The following FBXO4 variants were observed in gnomAD, a reference collection of about 807,000 sequenced individuals.
FBXO4 encodes F-box only protein 4.
Under a neutral mutation model 43.7 loss-of-function variants are expected in FBXO4, and 36 were observed. The observed-to-expected ratio is 0.82, with a 90% confidence interval of 0.63 to 1.09. The LOEUF is 1.09. Among genes scored for constraint, FBXO4 ranks in the 50% least tolerant of loss-of-function variants. The pLI, the probability that FBXO4 is intolerant of heterozygous loss-of-function variation, is 0.00. For synonymous variants in FBXO4, 180 were observed against 165.6 expected (o/e 1.09, Z -0.67); for missense variants, 435 against 474.1 (o/e 0.92, Z 0.77).
At chr5:41,929,360 C>T (rs193037034) in intron 2 of FBXO4, among the ~76,000 whole-genome samples, 1 of 152,278 alleles carries the variant, frequency 6.6e-6, no homozygotes, top group African/African-American at 2.4e-5. Context: ...AGGGATAAAC[C>T]TCCTAGGGTT....
At chr5:41,982,774 T>C in the FBXO4 span, among the ~76,000 whole-genome samples, 1 of 152,254 alleles carries the variant, frequency 6.6e-6, no homozygotes, top group Admixed American at 6.5e-5. Flanking sequence ...ATGCACTGTT[T>C]TGTTACATAG....
downstream of FBXO4, among the ~76,000 whole-genome samples, chr5:41,946,259 G>A (rs1181603233): frequency 2.0e-5 from 3 of 152,144 alleles, no homozygotes; most frequent in Admixed American, 6.6e-5. Flanking sequence ...CAGGCTGCTG[G>A]CCAGATCCCG....
chr5:42,027,235 G>T, the FBXO4 span, among the ~76,000 whole-genome samples: 2 of 151,898 alleles, frequency 1.3e-5, no homozygotes, highest in African/African-American at 4.8e-5. Flanking sequence ...ACTTGTTATT[G>T]CTCTGTTCAG....
At chr5:41,965,314 G>T in the FBXO4 span, among the ~76,000 whole-genome samples, 2 of 152,154 alleles carry the variant, frequency 1.3e-5, no homozygotes, top group African/African-American at 4.8e-5. Flanking sequence ...AAGTCAGGTA[G>T]CATGATGCCT....
At chr5:41,955,156 C>T in the FBXO4 span, among the ~76,000 whole-genome samples, 1 of 152,142 alleles carries the variant, frequency 6.6e-6, no homozygotes, top group Non-Finnish European at 1.5e-5. Context: ...TTTCACACAT[C>T]TCTAAGCTTC....
the FBXO4 span, among the ~76,000 whole-genome samples, chr5:42,010,507 CA>C: frequency 0.14 from 15,119 of 106,238 alleles, 817 homozygotes; most frequent in African/African-American, 0.21. Context: ...GCCTCCATCT[CA>C]AAAAAAAAAA....
chr5:41,973,571 CT>C, the FBXO4 span, among the ~76,000 whole-genome samples: 1 of 152,140 alleles, frequency 6.6e-6, no homozygotes, highest in Non-Finnish European at 1.5e-5. Context: ...GTCCCAGCTA[CT>C]CAGGAGGCTG....
chr5:41,931,540 A>G (rs1054692755), intron 3 of FBXO4, among the ~76,000 whole-genome samples: 11 of 152,252 alleles, frequency 7.2e-5, no homozygotes, highest in African/African-American at 2.2e-4. Context: ...CAAATCTGCT[A>G]GAATGGAAGC....
the FBXO4 span, among the ~76,000 whole-genome samples, chr5:41,997,141 T>C: frequency 1.3e-5 from 2 of 152,218 alleles, no homozygotes; most frequent in South Asian, 4.1e-4. Flanking sequence ...AAAAAGTCAT[T>C]TGCCAAGTTA....
chr5:42,005,430 A>C, the FBXO4 span, among the ~76,000 whole-genome samples: 1 of 152,204 alleles, frequency 6.6e-6, no homozygotes, highest in African/African-American at 2.4e-5. Flanking sequence ...AAAAACATTT[A>C]CAAACCATTT....
chr5:41,944,719 A>T (rs1033233460), downstream of FBXO4, among the ~76,000 whole-genome samples: 2 of 152,214 alleles, frequency 1.3e-5, no homozygotes, highest in African/African-American at 4.8e-5. Context: ...GTGCAGTTTC[A>T]GGATAACCAA....
At chr5:41,939,199 A>C (rs1474483885) in intron 5 of FBXO4, 1 of 345,608 alleles carries the variant, frequency 2.9e-6, no homozygotes, top group Non-Finnish European at 5.2e-6. Context: ...CTACATTTTG[A>C]AAGTAAGCCC....
chr5:41,939,694 T>A, intron 6 of FBXO4, 78 bp downstream of exon 6: 1 of 1,203,920 alleles, frequency 8.3e-7, no homozygotes, highest in Non-Finnish European at 1.1e-6. Flanking sequence ...TTTAAATTCA[T>A]CTTCTTTAAT....
chr5:42,031,304 T>A, the FBXO4 span, among the ~76,000 whole-genome samples: 2 of 152,128 alleles, frequency 1.3e-5, no homozygotes, highest in African/African-American at 4.8e-5. Context: ...TCATGTCCTT[T>A]GTAGGGACAT....
chr5:41,962,429 T>G, the FBXO4 span, among the ~76,000 whole-genome samples: 2 of 152,180 alleles, frequency 1.3e-5, no homozygotes, highest in Admixed American at 1.3e-4. Flanking sequence ...TTTGTTCAGG[T>G]TTTTGTGTTG....
chr5:42,027,129 T>C, the FBXO4 span, among the ~76,000 whole-genome samples: 1 of 151,868 alleles, frequency 6.6e-6, no homozygotes, highest in African/African-American at 2.4e-5. Context: ...TTGGTATTAG[T>C]TATTCTTAAA....
the FBXO4 span, among the ~76,000 whole-genome samples, chr5:41,947,814 A>T: frequency 6.6e-6 from 1 of 152,196 alleles, no homozygotes; most frequent in Non-Finnish European, 1.5e-5. Context: ...CAGTGTAATC[A>T]TGGGAGGCTG....
the FBXO4 span, among the ~76,000 whole-genome samples, chr5:42,032,314 C>T: frequency 3.9e-5 from 6 of 152,156 alleles, no homozygotes; most frequent in African/African-American, 1.2e-4. Flanking sequence ...TCCTCCCCTG[C>T]AGTCTAGGGA....
the FBXO4 span, among the ~76,000 whole-genome samples, chr5:42,018,185 T>G: frequency 1.3e-5 from 2 of 149,576 alleles, no homozygotes; most frequent in African/African-American, 4.9e-5. Context: ...AAAATATATG[T>G]GTAATATTAT....
Sources: gnomAD v4.1 joint callset for allele counts (sites outside exome capture counted in the v4.1 genomes callset) on GRCh38, gnomAD v4.1.1 for gene constraint, MANE v1.5 for transcripts, NCBI Gene and HGNC (gene_info 2026-07-23, HGNC 2026-07-21) for gene names.